MFHAS1: variants seen among roughly 807,000 people sequenced by gnomAD.
MFHAS1 encodes malignant fibrous histiocytoma-amplified sequence 1.
In MFHAS1, 50 loss-of-function variants were observed where a neutral mutation model predicts 70.4. The observed-to-expected ratio is 0.71, with a 90% confidence interval of 0.57 to 0.90. The LOEUF (loss-of-function observed/expected upper bound fraction) is 0.90. Ranked by LOEUF, MFHAS1 falls within the 40% of genes least tolerant of loss-of-function variation. The probability of loss-of-function intolerance (pLI) is 0.00; values close to 1 mark genes in which losing one functional copy is unlikely to be tolerated. For missense variants in MFHAS1, 1,795 were observed against 1,347.6 expected (o/e 1.33, Z -5.20); for synonymous variants, 952 against 620.0 (o/e 1.54, Z -7.96).
chr8:8,890,929 G>C lies in MFHAS1; in HGVS notation c.2130C>G (p.Ser710Arg). 1 of 1,614,060 alleles carries C rather than the reference G, an allele frequency of 6.2e-7. No homozygotes were observed. Among genetic ancestry groups the C allele is most frequent in the Non-Finnish European group, 8.5e-7 (1 of 1,180,030 alleles). Residue 710 changes from serine to arginine, a missense_variant, in exon 1 of 3, where the codon AGC becomes AGG. Transcript: ENST00000276282. ...LQSALSYLHE[S>R]GKLLYFEDSP... Reference sequence around the variant, plus strand: ...TGTCCTCAAAGTAGAGTAGCTTGCCGCTCTCATGCAGGTAGGAGAGGGCAC... The same window carrying C: ...TGTCCTCAAAGTAGAGTAGCTTGCCCCTCTCATGCAGGTAGGAGAGGGCAC...
intron 1 of MFHAS1, among the ~76,000 whole-genome samples, chr8:8,824,074 T>C (rs1807065116): frequency 6.6e-6 from 1 of 151,138 alleles, no homozygotes; most frequent in African/African-American, 2.4e-5. Flanking sequence ...TCAGGCTACC[T>C]GCCTGTGAGG....
At chr8:8,864,141 C>A (rs1808772362) in intron 1 of MFHAS1, among the ~76,000 whole-genome samples, 1 of 152,226 alleles carries the variant, frequency 6.6e-6, no homozygotes, top group African/African-American at 2.4e-5. Context: ...CCGATTAAAG[C>A]CTTCTTCCCT....
At chr8:8,827,918 G>A (rs182516313) in intron 1 of MFHAS1, among the ~76,000 whole-genome samples, 16 of 151,664 alleles carry the variant, frequency 1.1e-4, no homozygotes, top group Admixed American at 2.6e-4. Flanking sequence ...TTTTTTTTAA[G>A]AGACTTTCTT....
chr8:8,787,500 A>G (rs1021379449), intron 2 of MFHAS1, among the ~76,000 whole-genome samples: 1 of 152,220 alleles, frequency 6.6e-6, no homozygotes, highest in Non-Finnish European at 1.5e-5. Flanking sequence ...CAAAGCTCAA[A>G]GAGAAGTTGG....
chr8:8,805,079 T>A (rs1806241365), intron 1 of MFHAS1, among the ~76,000 whole-genome samples: 1 of 152,206 alleles, frequency 6.6e-6, no homozygotes, highest in Non-Finnish European at 1.5e-5. Context: ...AGGTCTCTTC[T>A]AGATCAAAAA....
Position 8,893,135 on chromosome 8 carries a change from C to G in MFHAS1, c.-77G>C. On this transcript the variant is annotated 5_prime_UTR_variant, in exon 1 of 3. Coordinates refer to ENST00000276282, the MANE Select transcript of MFHAS1 (RefSeq NM_004225.3). ...ATGCCGCGCCGCGCCCCGGGCCCTC[C>G]GGCTCCTGCCCCTGCCTGCCCTCCC... 1 of 1,092,412 alleles carries G rather than the reference C, an allele frequency of 9.2e-7. No homozygotes were observed. The highest frequency in any genetic ancestry group is 4.2e-5 in the Admixed American group (1 of 23,578). The allele number at this position is 1,092,412 out of a possible 1,614,324, so 67.7% of individuals were successfully genotyped here.
intron 1 of MFHAS1, among the ~76,000 whole-genome samples, chr8:8,831,144 G>A (rs565085958): frequency 6.6e-5 from 10 of 151,980 alleles, no homozygotes; most frequent in African/African-American, 1.9e-4. Flanking sequence ...GAGACACAGT[G>A]GGCTCTCGGG....
At chr8:8,886,038 G>A (rs1656754612) in intron 1 of MFHAS1, among the ~76,000 whole-genome samples, 1 of 152,158 alleles carries the variant, frequency 6.6e-6, no homozygotes, top group Admixed American at 6.5e-5. Context: ...CAACCCATTT[G>A]TCTTAAATAA....
At chr8:8,860,476 C>G (rs2116888570) in intron 1 of MFHAS1, among the ~76,000 whole-genome samples, 2 of 152,318 alleles carry the variant, frequency 1.3e-5, no homozygotes, top group Non-Finnish European at 2.9e-5. Flanking sequence ...CTACTAGAAG[C>G]CTGAGAAAAT....
chr8:8,853,006 A>G (rs570641547), intron 1 of MFHAS1, among the ~76,000 whole-genome samples: 2 of 152,126 alleles, frequency 1.3e-5, no homozygotes, highest in Admixed American at 6.5e-5. Context: ...TAAAAAACCC[A>G]ATATCACCCA....
At chr8:8,826,299 T>C (rs1807160504) in intron 1 of MFHAS1, among the ~76,000 whole-genome samples, 1 of 151,258 alleles carries the variant, frequency 6.6e-6, no homozygotes, top group East Asian at 2.0e-4. Context: ...GCCTACCCAA[T>C]ATCCCTTCTC....
intron 1 of MFHAS1, among the ~76,000 whole-genome samples, chr8:8,826,172 A>C (rs545589366): frequency 1.5e-4 from 23 of 152,196 alleles, no homozygotes; most frequent in Admixed American, 1.1e-3. Flanking sequence ...CCTGACGGCC[A>C]GTCTATTCCA....
intron 1 of MFHAS1, among the ~76,000 whole-genome samples, chr8:8,815,916 A>G (rs1460590001): frequency 6.6e-6 from 1 of 152,250 alleles, no homozygotes; most frequent in Non-Finnish European, 1.5e-5. Context: ...GTGTCCGTTA[A>G]AAGGTCGGCA....
rs1805446653 is a variant in MFHAS1, at chr8:8,783,934, C to T, written c.*2088G>A. The T allele has an allele frequency of 2.0e-5, 3 of 152,176 alleles. 1 individual carries two copies. In the South Asian group the frequency reaches 6.2e-4, roughly 32 times the overall value. 9.4% of individuals were successfully genotyped at this position (152,176 alleles called of 1,614,324 possible). ...ACCCTCGATCATGGTAACCCTTTTG[C>T]TAAGACACATGTGACACCAAGGTTT... On this transcript the variant is annotated 3_prime_UTR_variant, in exon 3 of 3. Coordinates refer to ENST00000276282, the MANE Select transcript of MFHAS1 (RefSeq NM_004225.3).
At chr8:8,829,703 G>A (rs932422254) in intron 1 of MFHAS1, among the ~76,000 whole-genome samples, 2 of 152,154 alleles carry the variant, frequency 1.3e-5, no homozygotes, top group African/African-American at 4.8e-5. Flanking sequence ...AAAAGATTGC[G>A]AGATCTTTGA....
At position 8,785,877 on chromosome 8, in the gene MFHAS1, G is replaced by C. The variant is rs10903311; in HGVS notation, c.*145C>G. On this transcript the variant is annotated 3_prime_UTR_variant, in exon 3 of 3. Transcript: ENST00000276282. ...CCCCCTCCCCACCTCTTCCCCAGTC[G>C]TCCAAAAAGCACCCTGCAAGCACGC... 9.1e-5 allele frequency: 34 copies of C among 372,522 alleles called. No individual in the cohort carries two copies. The highest frequency in any genetic ancestry group is 2.8e-4 in the South Asian group (11 of 39,274). 23.1% of individuals were successfully genotyped at this position (372,522 alleles called of 1,614,324 possible).
At chr8:8,796,527 C>T (rs1805900714) in intron 2 of MFHAS1, among the ~76,000 whole-genome samples, 1 of 147,230 alleles carries the variant, frequency 6.8e-6, no homozygotes, top group South Asian at 2.1e-4. Flanking sequence ...ACTAAAAATA[C>T]AAAAAAATTA....
intron 1 of MFHAS1, among the ~76,000 whole-genome samples, chr8:8,851,554 G>A (rs1808248513): frequency 6.6e-6 from 1 of 152,140 alleles, no homozygotes; most frequent in Non-Finnish European, 1.5e-5. Context: ...CTACCATGTA[G>A]TACAACAAAA....
At chr8:8,807,468 A>T (rs1248067321) in intron 1 of MFHAS1, among the ~76,000 whole-genome samples, 1 of 152,132 alleles carries the variant, frequency 6.6e-6, no homozygotes, top group Non-Finnish European at 1.5e-5. Flanking sequence ...CCTATGAAAA[A>T]GCGTATAGCT....
Sources: allele counts gnomAD v4.1 joint callset (sites outside exome capture counted in the v4.1 genomes callset), GRCh38; gene constraint gnomAD v4.1.1; transcripts MANE v1.5; gene names NCBI Gene and HGNC (gene_info 2026-07-23, HGNC 2026-07-21).